Variants in AUTS2 observed in about 807,000 individuals in gnomAD.
AUTS2 encodes the protein autism susceptibility gene 2 protein.
A neutral mutation model predicts 112.4 loss-of-function variants in AUTS2; 17 were observed. The observed-to-expected ratio is 0.15, with a 90% CI of 0.10 to 0.23. AUTS2 has a LOEUF of 0.23. Among genes scored for constraint, AUTS2 ranks in the 10% least tolerant of loss-of-function variants. The pLI is 1.00. For synonymous variants in AUTS2, 751 were observed against 702.7 expected (o/e 1.07, Z -1.09); for missense variants, 1,510 against 1,701.6 (o/e 0.89, Z 1.98).
At chr7:69,953,287 C>A (rs916470499) in intron 2 of AUTS2, among the ~76,000 whole-genome samples, 1 of 152,148 alleles carries the variant, frequency 6.6e-6, no homozygotes, top group African/African-American at 2.4e-5. Flanking sequence ...CTTTCTGATT[C>A]CCATTATCAC....
At chr7:69,692,380 A>G (rs1339176278) in intron 1 of AUTS2, among the ~76,000 whole-genome samples, 1 of 152,218 alleles carries the variant, frequency 6.6e-6, no homozygotes. Context: ...TGAAATACAG[A>G]CATATGAAAT....
chr7:69,996,946 T>TAAAAAAAAAAAAAAAAAAA (rs1161825217), intron 2 of AUTS2, among the ~76,000 whole-genome samples: 4 of 99,036 alleles, frequency 4.0e-5, no homozygotes, highest in East Asian at 2.9e-4. Context: ...CTGGAACACT[T>TAAAAAAAAAAAAAAAAAAA]AAAAAAAAAA....
At chr7:70,068,077 G>A (rs1414911394) in intron 2 of AUTS2, among the ~76,000 whole-genome samples, 4 of 151,988 alleles carry the variant, frequency 2.6e-5, no homozygotes, top group East Asian at 1.9e-4. Flanking sequence ...GAAAAAGAGA[G>A]TGAGAACAAG....
At chr7:70,645,328 TC>T (rs1806096199) in intron 5 of AUTS2, among the ~76,000 whole-genome samples, 1 of 149,896 alleles carries the variant, frequency 6.7e-6, no homozygotes, top group Non-Finnish European at 1.5e-5. Flanking sequence ...CTTCCCTCAT[TC>T]CCCGCCAAAC....
rs1485635132 is a variant in AUTS2 at position 70,324,981 on chromosome 7, A to C, written c.661-110771A>C. On this transcript the variant is annotated intron_variant, in intron 4 of 18. Transcript: ENST00000342771. ...TTACCCTCTCATTTTCCTGAAGAGG[A>C]AAGTGAGGCCCAGTGAAAACCCACA... is the stretch of plus-strand genomic sequence containing the variant. 4.6e-5 allele frequency among the ~76,000 whole-genome samples: 7 copies of C among 152,338 alleles called. No homozygotes were observed. In the East Asian group the frequency reaches 1.4e-3, roughly 29 times the overall value.
intron 4 of AUTS2, among the ~76,000 whole-genome samples, chr7:70,328,366 T>C (rs929019116): frequency 1.3e-5 from 2 of 152,084 alleles, no homozygotes; most frequent in African/African-American, 4.8e-5. Flanking sequence ...GGACTACAGA[T>C]ATGCAACACC....
chr7:69,749,045 C>T (rs897362501), intron 1 of AUTS2, among the ~76,000 whole-genome samples: 7 of 152,068 alleles, frequency 4.6e-5, no homozygotes, highest in African/African-American at 1.7e-4. Context: ...ATCTCTGCGC[C>T]CCAGCTTCTC....
At chr7:70,459,757 T>C (rs1471955228) in intron 5 of AUTS2, among the ~76,000 whole-genome samples, 1 of 152,178 alleles carries the variant, frequency 6.6e-6, no homozygotes, top group South Asian at 2.1e-4. Flanking sequence ...GATTGGAATG[T>C]AGACCTGGGA....
chr7:69,760,912 A>T (rs1451702212), intron 1 of AUTS2, among the ~76,000 whole-genome samples: 1 of 152,176 alleles, frequency 6.6e-6, no homozygotes, highest in Non-Finnish European at 1.5e-5. Context: ...GATTCACAAA[A>T]CTCAATTTAC....
rs1003049276 is a variant in AUTS2 at position 70,527,948 on chromosome 7, A to G, written c.690+92167A>G. ...GTTTAGTTTCCAGGATGAGGTTTCT[A>G]TTTCTCTGTTGAGAGGAATTAGAGC... On this transcript the variant is annotated intron_variant, in intron 5 of 18. Transcript: ENST00000342771. 3.3e-5 allele frequency among the ~76,000 whole-genome samples: 5 copies of G among 152,196 alleles called. No individual in the cohort carries two copies. In the South Asian group the frequency reaches 6.2e-4, roughly 19 times the overall value.
At chr7:70,454,550 C>T (rs1240107664) in intron 5 of AUTS2, among the ~76,000 whole-genome samples, 1 of 151,924 alleles carries the variant, frequency 6.6e-6, no homozygotes, top group Non-Finnish European at 1.5e-5. Context: ...ATCTCAAAAA[C>T]AAAAAATAAA....
chr7:69,603,889 ATTTGGG>A (rs1792567526), intron 1 of AUTS2, among the ~76,000 whole-genome samples: 1 of 152,100 alleles, frequency 6.6e-6, no homozygotes, highest in Non-Finnish European at 1.5e-5. Context: ...GCTTTCTGCT[ATTTGGG>A]TTTTTTTTCT....
intron 4 of AUTS2, among the ~76,000 whole-genome samples, chr7:70,241,726 T>C (rs1812624233): frequency 6.6e-6 from 1 of 152,226 alleles, no homozygotes; most frequent in Non-Finnish European, 1.5e-5. Flanking sequence ...GAATACTTAA[T>C]GCACATAAGG....
intron 2 of AUTS2, among the ~76,000 whole-genome samples, chr7:69,907,707 C>G (rs1562961964): frequency 6.6e-6 from 1 of 152,206 alleles, no homozygotes; most frequent in African/African-American, 2.4e-5. Flanking sequence ...GTATCATATT[C>G]AAGTTCTTAC....
At chr7:70,111,424 T>C (rs1266254517) in intron 2 of AUTS2, among the ~76,000 whole-genome samples, 1 of 152,204 alleles carries the variant, frequency 6.6e-6, no homozygotes, top group African/African-American at 2.4e-5. Context: ...ATAAGTTAGA[T>C]ACCATAAAAT....
intron 1 of AUTS2, among the ~76,000 whole-genome samples, chr7:69,706,353 T>G (rs1287570929): frequency 6.6e-6 from 1 of 152,156 alleles, no homozygotes; most frequent in Non-Finnish European, 1.5e-5. Context: ...AGGGAATATC[T>G]GTTCTGTTAG....
At chr7:70,508,641 A>T (rs1010278404) in intron 5 of AUTS2, among the ~76,000 whole-genome samples, 2 of 152,194 alleles carry the variant, frequency 1.3e-5, no homozygotes, top group Non-Finnish European at 2.9e-5. Context: ...CATTCAGAAC[A>T]GAGTGTGTGC....
intron 2 of AUTS2, among the ~76,000 whole-genome samples, chr7:70,097,457 T>C (rs1398003332): frequency 6.6e-6 from 1 of 152,188 alleles, no homozygotes; most frequent in South Asian, 2.1e-4. Context: ...GTATAAAATA[T>C]AGAGGTGATC....
intron 5 of AUTS2, among the ~76,000 whole-genome samples, chr7:70,626,128 G>T (rs1283143422): frequency 6.6e-6 from 1 of 151,816 alleles, no homozygotes; most frequent in Non-Finnish European, 1.5e-5. Context: ...GGTCAGGCTG[G>T]TCTCGAACTC....
Sources: allele counts gnomAD v4.1 joint callset (sites outside exome capture counted in the v4.1 genomes callset), GRCh38; gene constraint gnomAD v4.1.1; transcripts MANE v1.5; gene names NCBI Gene and HGNC (gene_info 2026-07-23, HGNC 2026-07-21).